The following ASB8 variants were observed in gnomAD, a reference collection of about 807,000 sequenced individuals.
ASB8 encodes ankyrin repeat and SOCS box containing 8, also known as ankyrin repeat and SOCS box protein 8.
In ASB8, 15 loss-of-function variants were observed where a neutral mutation model predicts 22.9. The ratio of observed to expected loss-of-function variants is 0.66; its 90% CI spans 0.44 to 1.01. The LOEUF is 1.01. ASB8 is among the 50% of genes least tolerant of loss of function. The probability of loss-of-function intolerance (pLI) is 0.00; values close to 1 mark genes in which losing one functional copy is unlikely to be tolerated. For synonymous variants in ASB8, 124 were observed against 140.8 expected (o/e 0.88, Z 0.84); for missense variants, 294 against 356.9 (o/e 0.82, Z 1.42).
Position 48,148,937 on chromosome 12 carries a change from TAC to T in ASB8, c.*427_*428del. ...CCTCAGCCTCCCAAAGTCCTGGGAT[TAC>T]AGACGTGAGCCACCATGGCTGGCCT... On this transcript the variant is annotated 3_prime_UTR_variant, in exon 4 of 4. Transcript: ENST00000317697. 1 of 176,770 alleles carries T rather than the reference TAC, an allele frequency of 5.7e-6. No homozygotes were observed. Among genetic ancestry groups the T allele is most frequent in the Non-Finnish European group, 1.2e-5 (1 of 82,346 alleles). The allele number at this position is 176,770 out of a possible 1,614,324, so 11.0% of individuals were successfully genotyped here. A position where few individuals can be genotyped will look rare whatever the true frequency, so the allele number is the denominator to read the frequency against.
rs1248527598 is a variant in ASB8 at position 48,153,507 on chromosome 12, G to C, written c.-11C>G. 1.2e-6 allele frequency: 2 copies of C among 1,613,396 alleles called. No homozygotes were observed. The highest frequency in any genetic ancestry group is 2.2e-5 in the East Asian group (1 of 44,866). On this transcript the variant is annotated 5_prime_UTR_variant, in exon 2 of 4. Transcript: ENST00000317697. ...CATACTGGAACTCATCAAGGCTCAA[G>C]GTGTTCACATGCTCCAAACTGCCTG... is the stretch of plus-strand genomic sequence containing the variant.
chr12:48,149,173 G>A lies in ASB8; in HGVS notation c.*193C>T. 6 of 629,222 alleles carry A rather than the reference G, an allele frequency of 9.5e-6. No individual in the cohort carries two copies. Among genetic ancestry groups the A allele is most frequent in the Non-Finnish European group, 1.3e-5 (5 of 375,680 alleles). The allele number at this position is 629,222 out of a possible 1,614,324, so 39.0% of individuals were successfully genotyped here. ...TAAGCAATAAACAGAAAACAAAAGT[G>A]AGGGATTTTTTTTGTTGGGTTGTTT... is the stretch of plus-strand genomic sequence containing the variant. On this transcript the variant is annotated 3_prime_UTR_variant, in exon 4 of 4. Transcript: ENST00000317697.
At chr12:48,152,423 A>G (rs940008149) in intron 2 of ASB8, among the ~76,000 whole-genome samples, 2 of 152,200 alleles carry the variant, frequency 1.3e-5, no homozygotes, top group African/African-American at 4.8e-5. Context: ...TTTTCTGGTG[A>G]TCAAAAACTG....
At chr12:48,155,729 CAAA>C (rs1219893101) in intron 1 of ASB8, among the ~76,000 whole-genome samples, 1 of 107,788 alleles carries the variant, frequency 9.3e-6, no homozygotes, top group African/African-American at 3.7e-5. Context: ...GACTCCATCT[CAAA>C]AAAAAAAAAA....
intron 3 of ASB8, chr12:48,150,221 G>A (rs185493473): frequency 1.6e-4 from 112 of 704,234 alleles, no homozygotes; most frequent in Admixed American, 7.6e-4. Flanking sequence ...ACACTATTAT[G>A]TGCACTGACT....
rs1208936883 is a variant in ASB8, at chr12:48,148,665, T to G, written c.*701A>C. The G allele has an allele frequency of 1.4e-5, 2 of 145,466 alleles. No individual in the cohort carries two copies. The highest frequency in any genetic ancestry group is 3.0e-5 in the Non-Finnish European group (2 of 66,094). 9.0% of individuals were successfully genotyped at this position (145,466 alleles called of 1,614,324 possible). A position where few individuals can be genotyped will look rare whatever the true frequency, so the allele number is the denominator to read the frequency against. On this transcript the variant is annotated 3_prime_UTR_variant, in exon 4 of 4. Transcript: ENST00000317697. ...CACAGATCAATTAAAATGGTTTTTT[T>G]TTTTTTTTTTTTTTTTTGAGACAGT... is the stretch of plus-strand genomic sequence containing the variant.
At chr12:48,150,910 A>AGT in intron 3 of ASB8, 1 of 541,922 alleles carries the variant, frequency 1.8e-6, no homozygotes, top group Non-Finnish European at 3.3e-6. Context: ...AGCTTCCTGA[A>AGT]GTGATGGCCA....
At chr12:48,153,191 G>T in intron 2 of ASB8, 177 bp downstream of exon 2, 1 of 677,996 alleles carries the variant, frequency 1.5e-6, no homozygotes, top group Non-Finnish European at 2.5e-6. Flanking sequence ...GTGAAAGGGA[G>T]AAGGGAAGCG....
rs1266928342 is a variant in ASB8 at position 48,148,662 on chromosome 12, T to TTTG, written c.*703_*704insCAA. ...TTTCACAGATCAATTAAAATGGTTTTTTTTTTTTTTTTTTTTTTTTGAGAC... is the reference window on the plus strand; with the variant it reads ...TTTCACAGATCAATTAAAATGGTTTTTTGTTTTTTTTTTTTTTTTTTTTGAGAC... On this transcript the variant is annotated 3_prime_UTR_variant, in exon 4 of 4. Transcript: ENST00000317697. The TTTG allele has an allele frequency of 2.1e-5, 3 of 144,114 alleles. No individual in the cohort carries two copies. In the East Asian group the frequency reaches 6.0e-4, roughly 29 times the overall value. 8.9% of individuals were successfully genotyped at this position (144,114 alleles called of 1,614,324 possible). A position where few individuals can be genotyped will look rare whatever the true frequency, so the allele number is the denominator to read the frequency against.
rs1186285934 is a variant in ASB8, at chr12:48,149,984, A to G, written c.249T>C (p.Asp83=). ...AGTGGAGGGCTGTTCGGTTATACCC[A>G]TCCAGGGCATTCACCTGTAAAAAGG... ...LEKGAEVNAL[D]GYNRTALHYA... Residue 83 remains aspartate, a synonymous_variant, in exon 4 of 4, where the codon GAT becomes GAC. Coordinates refer to ENST00000317697, the MANE Select transcript of ASB8 (RefSeq NM_024095.5). 6.2e-7 allele frequency: 1 copy of G among 1,613,340 alleles called. No individual in the cohort carries two copies. Among genetic ancestry groups the G allele is most frequent in the Admixed American group, 1.7e-5 (1 of 60,006 alleles).
Position 48,150,503 on chromosome 12 carries a change from T to C in ASB8, c.235-505A>G, listed in dbSNP as rs571068448. Among the ~76,000 whole-genome samples the C allele has an allele frequency of 2.0e-5, 3 of 152,336 alleles. No homozygotes were observed. In the East Asian group the frequency reaches 5.8e-4, roughly 29 times the overall value. ...AACCATACAGAGAAATTCAAAATGT[T>C]AGAATATAAGTCAGACCTTTGCAAA... is the stretch of plus-strand genomic sequence containing the variant. On this transcript the variant is annotated intron_variant, in intron 3 of 3. Transcript: ENST00000317697.
At position 48,151,205 on chromosome 12, in the gene ASB8, G is replaced by C; in HGVS notation, c.230C>G (p.Ala77Gly). Residue 77 changes from alanine (A) to glycine (G), a missense_variant, in exon 3 of 4, where the codon GCC (alanine) becomes GGC (glycine). Physicochemically the swap from Ala to Gly is moderately conservative, Grantham distance 60. Coordinates refer to ENST00000317697, the MANE Select transcript of ASB8 (RefSeq NM_024095.5). ...TGAATGTGTTAAAAACATTACCTCG[G>C]CTCCTTTTTCCAGAAGTAACTCCAC... ...DCVELLLEKG[A>G]EVNALDGYNR... The C allele has an allele frequency of 6.2e-7, 1 of 1,607,754 alleles. No individual in the cohort carries two copies. The highest frequency in any genetic ancestry group is 8.5e-7 in the Non-Finnish European group (1 of 1,174,210).
At position 48,149,289 on chromosome 12, in the gene ASB8, G is replaced by T; in HGVS notation, c.*77C>A. 2 of 1,434,200 alleles carry T rather than the reference G, an allele frequency of 1.4e-6. No homozygotes were observed. Among genetic ancestry groups the T allele is most frequent in the Admixed American group, 2.1e-5 (1 of 46,814 alleles). The allele number at this position is 1,434,200 out of a possible 1,614,324, so 88.8% of individuals were successfully genotyped here. On this transcript the variant is annotated 3_prime_UTR_variant, in exon 4 of 4. Transcript: ENST00000317697. ...ACACAACAGGAACAACTGTTTTTCT[G>T]TTTTCTGTGACAAGGAGTACTGCAG...
intron 1 of ASB8, among the ~76,000 whole-genome samples, chr12:48,156,920 T>A (rs1446500137): frequency 6.6e-6 from 1 of 150,996 alleles, no homozygotes; most frequent in Non-Finnish European, 1.5e-5. Flanking sequence ...CTGAAAGCCC[T>A]GTCTCCCTCG....
intron 3 of ASB8, chr12:48,150,288 ATC>A: frequency 1.5e-6 from 1 of 669,972 alleles, no homozygotes; most frequent in South Asian, 1.7e-5. Flanking sequence ...ATTCATTAGA[ATC>A]TCTACCACAG....
chr12:48,149,197 T>G lies in ASB8; in HGVS notation c.*169A>C. The stretch of plus-strand genomic sequence containing the variant: ...TGAGGGATTTTTTTTGTTGGGTTGT[T>G]TGGTTTGGGAAGGGGAGGTGCTATG... On this transcript the variant is annotated 3_prime_UTR_variant, in exon 4 of 4. Coordinates refer to ENST00000317697, the MANE Select transcript of ASB8 (RefSeq NM_024095.5). The G allele has an allele frequency of 2.9e-6, 2 of 688,022 alleles. No individual in the cohort carries two copies. The highest frequency in any genetic ancestry group is 4.6e-6 in the Non-Finnish European group (2 of 430,722). The allele number at this position is 688,022 out of a possible 1,614,324, so 42.6% of individuals were successfully genotyped here.
intron 1 of ASB8, among the ~76,000 whole-genome samples, chr12:48,155,023 T>A (rs887517620): frequency 2.6e-5 from 4 of 152,196 alleles, no homozygotes; most frequent in African/African-American, 9.6e-5. Flanking sequence ...AAATATATGT[T>A]GAAACCACAA....
chr12:48,154,265 G>T lies in ASB8; in HGVS notation c.-33-736C>A, dbSNP rs1951255491. Among the ~76,000 whole-genome samples, 3 of 151,944 alleles carry T rather than the reference G, an allele frequency of 2.0e-5. No homozygotes were observed. The South Asian group carries it at 6.2e-4, about 32-fold the overall frequency. On this transcript the variant is annotated intron_variant, in intron 1 of 3. Coordinates refer to ENST00000317697, the MANE Select transcript of ASB8 (RefSeq NM_024095.5). Reference sequence around the variant, plus strand: ...GGAGGCCGAGATGGGTGGATCACAAGGTCAGGAGATCCAGACCATCTTGGC... The same window carrying T: ...GGAGGCCGAGATGGGTGGATCACAATGTCAGGAGATCCAGACCATCTTGGC...
At chr12:48,153,694 T>C in intron 1 of ASB8, 165 bp from the exon 2 acceptor site, 1 of 487,814 alleles carries the variant, frequency 2.0e-6, no homozygotes, top group Non-Finnish European at 3.6e-6. Flanking sequence ...CCTAGGGAGT[T>C]GGATAAACCT....
Sources: gnomAD v4.1 joint callset for allele counts (sites outside exome capture counted in the v4.1 genomes callset) on GRCh38, gnomAD v4.1.1 for gene constraint, MANE v1.5 for transcripts, NCBI Gene and HGNC (gene_info 2026-07-23, HGNC 2026-07-21) for gene names.